CTNND2: variants seen among roughly 807,000 people sequenced by gnomAD.
CTNND2 encodes catenin delta-2.
CTNND2 carries 22 observed loss-of-function variants against 144.4 expected under a neutral mutation model. The ratio of observed to expected loss-of-function variants is 0.15; its 90% CI spans 0.11 to 0.22. The LOEUF is 0.22. Among genes scored for constraint, CTNND2 ranks in the 10% least tolerant of loss-of-function variants. The pLI is 1.00. For synonymous variants in CTNND2, 751 were observed against 695.6 expected, an observed-to-expected ratio of 1.08 and a Z score of -1.25; for missense variants, 1,353 against 1,618.8, an observed-to-expected ratio of 0.84 and a Z score of 2.82.
At chr5:11,294,848 A>G (rs1016480887) in intron 9 of CTNND2, among the ~76,000 whole-genome samples, 2 of 152,188 alleles carry the variant, frequency 1.3e-5, no homozygotes, top group African/African-American at 2.4e-5. Context: ...AATAAGAGCT[A>G]TCTATGACAA....
chr5:11,407,547 C>T (rs1478384598), intron 5 of CTNND2, among the ~76,000 whole-genome samples: 1 of 152,156 alleles, frequency 6.6e-6, no homozygotes, highest in Non-Finnish European at 1.5e-5. Context: ...AGACAAATAG[C>T]AAAAAGCTTT....
intron 2 of CTNND2, among the ~76,000 whole-genome samples, chr5:11,651,074 C>T (rs1377237613): frequency 6.6e-6 from 1 of 152,166 alleles, no homozygotes; most frequent in African/African-American, 2.4e-5. Context: ...TTTCACAGAA[C>T]TTTGCAGTAG....
At chr5:11,487,063 T>G (rs924234643) in intron 3 of CTNND2, among the ~76,000 whole-genome samples, 3 of 152,040 alleles carry the variant, frequency 2.0e-5, no homozygotes, top group African/African-American at 7.2e-5. Flanking sequence ...AGTTACATAT[T>G]TTTTATTCAC....
At position 11,633,334 on chromosome 5, in the gene CTNND2, G is replaced by C. The variant is rs77717676; in HGVS notation, c.175-68278C>G. Reference sequence around the variant, plus strand: ...CAACAATGAAGGCAAGGAGGCAGTGGGATGAAATATTCAAAAGAAACATAC... The same window carrying C: ...CAACAATGAAGGCAAGGAGGCAGTGCGATGAAATATTCAAAAGAAACATAC... On this transcript the variant is annotated intron_variant, in intron 2 of 21. Coordinates refer to ENST00000304623, the MANE Select transcript of CTNND2 (RefSeq NM_001332.4). Among the ~76,000 whole-genome samples the C allele has an allele frequency of 5.9e-3, 891 of 152,134 alleles. 9 individuals are homozygous for C. The highest frequency in any genetic ancestry group is 0.021 in the African/African-American group (861 of 41,504).
At chr5:11,858,576 G>A (rs1458168287) in intron 1 of CTNND2, among the ~76,000 whole-genome samples, 1 of 152,164 alleles carries the variant, frequency 6.6e-6, no homozygotes, top group East Asian at 1.9e-4. Flanking sequence ...TCTTAGCTAT[G>A]AAGCATTAAT....
intron 2 of CTNND2, among the ~76,000 whole-genome samples, chr5:11,591,343 T>C (rs909417453): frequency 2.0e-5 from 3 of 152,202 alleles, no homozygotes; most frequent in Non-Finnish European, 4.4e-5. Flanking sequence ...GCCAGATTGA[T>C]ATATCCCTCT....
At chr5:11,798,637 C>T (rs141478169) in intron 1 of CTNND2, among the ~76,000 whole-genome samples, 113 of 152,132 alleles carry the variant, frequency 7.4e-4, no homozygotes, top group Non-Finnish European at 1.2e-3. Context: ...CCTGGTGGTG[C>T]GTGCCTGTAA....
chr5:11,814,994 T>G (rs1792548518), intron 1 of CTNND2, among the ~76,000 whole-genome samples: 1 of 152,224 alleles, frequency 6.6e-6, no homozygotes, highest in South Asian at 2.1e-4. Context: ...AGATCTTTTC[T>G]TATTTCATAA....
chr5:11,004,719 G>A (rs1740297871), intron 18 of CTNND2, among the ~76,000 whole-genome samples: 1 of 142,208 alleles, frequency 7.0e-6, no homozygotes, highest in African/African-American at 2.6e-5. Flanking sequence ...AGTAAGCTGA[G>A]ATCATGCCAT....
At chr5:11,481,069 G>A (rs1450689956) in intron 3 of CTNND2, among the ~76,000 whole-genome samples, 1 of 152,120 alleles carries the variant, frequency 6.6e-6, no homozygotes, top group Non-Finnish European at 1.5e-5. Flanking sequence ...GCCCCACATA[G>A]TCCAAGCTCT....
chr5:11,832,977 A>G (rs1793986205), intron 1 of CTNND2, among the ~76,000 whole-genome samples: 1 of 152,080 alleles, frequency 6.6e-6, no homozygotes, highest in South Asian at 2.1e-4. Context: ...AAAATTATAT[A>G]TATTCCACAC....
intron 21 of CTNND2, among the ~76,000 whole-genome samples, chr5:10,974,649 A>G (rs1295392781): frequency 6.6e-6 from 1 of 152,206 alleles, no homozygotes; most frequent in African/African-American, 2.4e-5. Context: ...AGCTCTGCTA[A>G]TGTGCAGTAA....
intron 16 of CTNND2, among the ~76,000 whole-genome samples, chr5:11,043,851 A>G (rs1744946054): frequency 6.6e-6 from 1 of 152,216 alleles, no homozygotes; most frequent in Non-Finnish European, 1.5e-5. Context: ...AAAGCAGGAA[A>G]ATACTAGACA....
At chr5:10,979,560 C>T (rs968619337) in intron 21 of CTNND2, among the ~76,000 whole-genome samples, 11 of 152,138 alleles carry the variant, frequency 7.2e-5, no homozygotes, top group African/African-American at 2.7e-4. Context: ...TTCTGATCAA[C>T]GAGGGGGAAC....
chr5:11,395,721 C>A (rs778839356), intron 6 of CTNND2, among the ~76,000 whole-genome samples: 1 of 152,184 alleles, frequency 6.6e-6, no homozygotes, highest in Non-Finnish European at 1.5e-5. Context: ...CACTGATGAA[C>A]AAGGATGTTG....
intron 10 of CTNND2, among the ~76,000 whole-genome samples, chr5:11,229,757 C>T (rs1256518196): frequency 6.6e-6 from 1 of 150,514 alleles, no homozygotes; most frequent in Non-Finnish European, 1.5e-5. Flanking sequence ...CATATATATA[C>T]TGTATAACTG....
intron 2 of CTNND2, among the ~76,000 whole-genome samples, chr5:11,664,842 G>A (rs1419989406): frequency 6.6e-6 from 1 of 152,050 alleles, no homozygotes; most frequent in Non-Finnish European, 1.5e-5. Context: ...TCTTGTTCAG[G>A]GAATGAAGTA....
intron 7 of CTNND2, among the ~76,000 whole-genome samples, chr5:11,379,947 T>A (rs1410169677): frequency 6.6e-6 from 1 of 152,128 alleles, no homozygotes; most frequent in Non-Finnish European, 1.5e-5. Flanking sequence ...AACACTGAGC[T>A]GCCAGTTGTC....
At chr5:11,276,691 G>C (rs1020748930) in intron 9 of CTNND2, among the ~76,000 whole-genome samples, 2 of 152,214 alleles carry the variant, frequency 1.3e-5, no homozygotes, top group African/African-American at 4.8e-5. Context: ...ATGTAATTGA[G>C]TTTAAGGATC....
Sources: gnomAD v4.1 joint callset for allele counts (sites outside exome capture counted in the v4.1 genomes callset) on GRCh38, gnomAD v4.1.1 for gene constraint, MANE v1.5 for transcripts, NCBI Gene and HGNC (gene_info 2026-07-23, HGNC 2026-07-21) for gene names.